SMYD3: variants seen among roughly 807,000 people sequenced by gnomAD.
The protein encoded by SMYD3 is histone-lysine N-methyltransferase SMYD3.
Under a neutral mutation model 57.7 loss-of-function variants are expected in SMYD3, and 36 were observed. That is an observed-to-expected ratio of 0.62 (90% confidence interval 0.48 to 0.82). The LOEUF is 0.82. Among genes scored for constraint, SMYD3 ranks in the 40% least tolerant of loss-of-function variants. The pLI, the probability that SMYD3 is intolerant of heterozygous loss-of-function variation, is 0.00. For missense variants in SMYD3, 515 were observed against 538.8 expected, an observed-to-expected ratio of 0.96 and a Z score of 0.44; for synonymous variants, 211 against 195.0, an observed-to-expected ratio of 1.08 and a Z score of -0.68.
intron 5 of SMYD3, among the ~76,000 whole-genome samples, chr1:246,140,312 T>C (rs1359965722): frequency 6.6e-6 from 1 of 152,208 alleles, no homozygotes; most frequent in African/African-American, 2.4e-5. Flanking sequence ...GCCTATTTCC[T>C]CCTCTGGAAA....
intron 9 of SMYD3, among the ~76,000 whole-genome samples, chr1:245,859,501 G>T (rs1027150466): frequency 7.9e-5 from 12 of 152,206 alleles, no homozygotes; most frequent in African/African-American, 2.7e-4. Flanking sequence ...GATATTCCCT[G>T]TCTTACAGAG....
intron 5 of SMYD3, among the ~76,000 whole-genome samples, chr1:246,211,878 G>C (rs1448234527): frequency 6.6e-6 from 1 of 150,414 alleles, no homozygotes; most frequent in Non-Finnish European, 1.5e-5. Context: ...GTAGCATAAA[G>C]ATGAGTAAAA....
chr1:246,235,375 A>G (rs2063497854), intron 5 of SMYD3, among the ~76,000 whole-genome samples: 1 of 152,204 alleles, frequency 6.6e-6, no homozygotes, highest in Non-Finnish European at 1.5e-5. Context: ...TCCTTCCTGA[A>G]TATGTTGCAA....
intron 5 of SMYD3, among the ~76,000 whole-genome samples, chr1:246,033,131 A>T (rs886693147): frequency 2.0e-5 from 3 of 152,192 alleles, no homozygotes; most frequent in Admixed American, 6.5e-5. Flanking sequence ...TTATAGTAAT[A>T]AAAAACTGGA....
intron 1 of SMYD3, among the ~76,000 whole-genome samples, chr1:246,485,339 C>T (rs1476124271): frequency 1.3e-5 from 2 of 152,230 alleles, no homozygotes; most frequent in African/African-American, 4.8e-5. Flanking sequence ...TAGTTACACA[C>T]TACCAGAGTT....
intron 5 of SMYD3, among the ~76,000 whole-genome samples, chr1:246,237,318 C>A (rs1230442936): frequency 6.6e-6 from 1 of 152,148 alleles, no homozygotes; most frequent in African/African-American, 2.4e-5. Flanking sequence ...ACCATCGCCT[C>A]CAACCAAGAT....
At chr1:245,817,035 G>A (rs535562347) in intron 10 of SMYD3, among the ~76,000 whole-genome samples, 1 of 151,638 alleles carries the variant, frequency 6.6e-6, no homozygotes, top group Admixed American at 6.6e-5. Flanking sequence ...CGAACTGGGT[G>A]GAGCCCACCA....
chr1:246,464,278 G>A (rs1017380435), intron 1 of SMYD3, among the ~76,000 whole-genome samples: 10 of 152,150 alleles, frequency 6.6e-5, no homozygotes, highest in African/African-American at 2.4e-4. Context: ...CACTTTGGGA[G>A]GCCGAGGTGG....
At chr1:245,891,725 C>T (rs2053396108) in intron 8 of SMYD3, among the ~76,000 whole-genome samples, 1 of 105,712 alleles carries the variant, frequency 9.5e-6, no homozygotes, top group African/African-American at 3.8e-5. Context: ...TGCAGGGGAG[C>T]AAGCCAGGAA....
At chr1:246,199,942 A>G (rs1232734731) in intron 5 of SMYD3, among the ~76,000 whole-genome samples, 1 of 152,242 alleles carries the variant, frequency 6.6e-6, no homozygotes, top group Non-Finnish European at 1.5e-5. Flanking sequence ...GTCCACTGTA[A>G]TAGAGAAGAT....
intron 5 of SMYD3, among the ~76,000 whole-genome samples, chr1:246,052,406 T>G (rs2060080037): frequency 6.6e-6 from 1 of 152,142 alleles, no homozygotes; most frequent in Non-Finnish European, 1.5e-5. Context: ...CTTGATGATA[T>G]CTAGATGAGA....
chr1:246,497,502 G>A (rs1348718964), intron 1 of SMYD3, among the ~76,000 whole-genome samples: 1 of 152,074 alleles, frequency 6.6e-6, no homozygotes, highest in African/African-American at 2.4e-5. Context: ...TCCACCAGAG[G>A]GAGCATCACA....
At chr1:245,776,465 A>C (rs554802799) in intron 10 of SMYD3, among the ~76,000 whole-genome samples, 1 of 152,378 alleles carries the variant, frequency 6.6e-6, no homozygotes, top group South Asian at 2.1e-4. Flanking sequence ...AAAATAGAAG[A>C]TGAAATATAG....
intron 5 of SMYD3, among the ~76,000 whole-genome samples, chr1:245,937,584 C>T (rs1572738570): frequency 6.6e-6 from 1 of 152,164 alleles, no homozygotes; most frequent in Non-Finnish European, 1.5e-5. Flanking sequence ...ATTTTCTTCC[C>T]ATATCCTGAG....
At chr1:246,297,251 G>A (rs1433055633) in intron 5 of SMYD3, among the ~76,000 whole-genome samples, 1 of 152,162 alleles carries the variant, frequency 6.6e-6, no homozygotes, top group Non-Finnish European at 1.5e-5. Context: ...AACAAACAAG[G>A]TGACAGAGGT....
At chr1:245,954,029 G>A (rs2057750248) in intron 5 of SMYD3, among the ~76,000 whole-genome samples, 1 of 152,194 alleles carries the variant, frequency 6.6e-6, no homozygotes, top group South Asian at 2.1e-4. Flanking sequence ...GAAAGTGAAA[G>A]TAATACTTGG....
chr1:246,210,269 AC>A (rs1558317765), intron 5 of SMYD3, among the ~76,000 whole-genome samples: 1 of 152,166 alleles, frequency 6.6e-6, no homozygotes, highest in African/African-American at 2.4e-5. Flanking sequence ...AATGGTGCCT[AC>A]CATCACACGC....
intron 5 of SMYD3, chr1:246,108,827 C>G (rs996664205): frequency 6.6e-6 from 1 of 152,230 alleles, no homozygotes; most frequent in African/African-American, 2.4e-5. Flanking sequence ...TCAGTATTAG[C>G]AGACCACCAT....
chr1:246,136,281 G>T (rs1236148826), intron 5 of SMYD3, among the ~76,000 whole-genome samples: 1 of 152,168 alleles, frequency 6.6e-6, no homozygotes, highest in East Asian at 1.9e-4. Flanking sequence ...CAGGTAAAGA[G>T]TGGCTCTCCA....
Sources: allele counts gnomAD v4.1 joint callset (sites outside exome capture counted in the v4.1 genomes callset), GRCh38; gene constraint gnomAD v4.1.1; transcripts MANE v1.5; gene names NCBI Gene and HGNC (gene_info 2026-07-23, HGNC 2026-07-21).